The following TANK variants were observed in gnomAD, a reference collection of about 807,000 sequenced individuals.
TANK encodes TRAF family member-associated NF-kappa-B activator.
Under a neutral mutation model 43.6 loss-of-function variants are expected in TANK, and 15 were observed. The observed-to-expected ratio is 0.34, with a 90% confidence interval of 0.23 to 0.53. The LOEUF (loss-of-function observed/expected upper bound fraction) is 0.53, where lower values mean the gene tolerates loss of function less well. Ranked by LOEUF, TANK falls within the 20% of genes least tolerant of loss-of-function variation. The probability of loss-of-function intolerance (pLI) is 0.94; values close to 1 mark genes in which losing one functional copy is unlikely to be tolerated. For missense variants in TANK, 417 were observed against 498.6 expected (o/e 0.84, Z 1.56); for synonymous variants, 162 against 178.2 (o/e 0.91, Z 0.73).
chr2:161,182,168 G>T (rs1685458373), intron 2 of TANK, among the ~76,000 whole-genome samples: 1 of 151,784 alleles, frequency 6.6e-6, no homozygotes, highest in Non-Finnish European at 1.5e-5. Context: ...TTGTGATTAG[G>T]TTCATTAAGA....
chr2:161,150,277 CATA>C (rs1165523467), intron 1 of TANK, among the ~76,000 whole-genome samples: 1 of 152,108 alleles, frequency 6.6e-6, no homozygotes, highest in African/African-American at 2.4e-5. Flanking sequence ...TGTTCCATAA[CATA>C]ATATTTATAA....
At chr2:161,160,340 C>T (rs1684352575), upstream of TANK, 5 of 961,798 alleles carry the variant, frequency 5.2e-6, no homozygotes, top group Middle Eastern at 3.7e-4. Context: ...AGGGCCCTGG[C>T]CTTGTTGGGT....
chr2:161,203,441 C>T, intron 2 of TANK, 46 bp from the exon 3 acceptor site: 1 of 1,258,684 alleles, frequency 7.9e-7, no homozygotes, highest in South Asian at 1.3e-5. Flanking sequence ...AATATATGTT[C>T]ATGTCTATCA....
chr2:161,140,375 C>G (rs1192036056), intron 1 of TANK, among the ~76,000 whole-genome samples: 1 of 152,018 alleles, frequency 6.6e-6, no homozygotes, highest in Non-Finnish European at 1.5e-5. Context: ...AAAAATTTTT[C>G]AAATATATTG....
intron 1 of TANK, among the ~76,000 whole-genome samples, chr2:161,178,511 G>A (rs1311853308): frequency 6.6e-6 from 1 of 151,830 alleles, no homozygotes; most frequent in South Asian, 2.1e-4. Context: ...GGGAAGAGGA[G>A]GATTGGGACT....
At chr2:161,146,073 G>A (rs1683901981) in intron 1 of TANK, among the ~76,000 whole-genome samples, 1 of 152,088 alleles carries the variant, frequency 6.6e-6, no homozygotes, top group Admixed American at 6.5e-5. Context: ...TCAGCAAGAT[G>A]ATCTTCAAAC....
rs368096769 is a variant in TANK at position 161,161,767 on chromosome 2, C to T, written c.-50+1281C>T. 8 of 191,798 alleles carry T rather than the reference C, an allele frequency of 4.2e-5. No homozygotes were observed. The East Asian group carries it at 5.8e-4, about 14-fold the overall frequency. The allele number at this position is 191,798 out of a possible 1,614,324, so 11.9% of individuals were successfully genotyped here. On this transcript the variant is annotated intron_variant, in intron 1 of 7. Transcript: ENST00000392749. Reference sequence around the variant, plus strand: ...TAACTGTCACTTACTATGTCCTGTCCGTATATATTGCCCAGTATTCTTCAA... The same window carrying T: ...TAACTGTCACTTACTATGTCCTGTCTGTATATATTGCCCAGTATTCTTCAA...
At chr2:161,171,571 C>G (rs187457540) in intron 1 of TANK, among the ~76,000 whole-genome samples, 4 of 152,260 alleles carry the variant, frequency 2.6e-5, no homozygotes, top group African/African-American at 9.6e-5. Flanking sequence ...TTGCCTGTTC[C>G]TATTTATCAT....
intron 2 of TANK, among the ~76,000 whole-genome samples, chr2:161,193,532 C>T (rs1686012637): frequency 6.6e-6 from 1 of 152,170 alleles, no homozygotes; most frequent in Non-Finnish European, 1.5e-5. Context: ...CCAGCCTGGG[C>T]AGCATAGCAA....
intron 2 of TANK, among the ~76,000 whole-genome samples, chr2:161,182,664 T>C (rs1177539152): frequency 3.3e-5 from 5 of 152,098 alleles, no homozygotes; most frequent in South Asian, 2.1e-4. Flanking sequence ...TCCCCAGAAG[T>C]TCCCTGAACC....
intron 7 of TANK, among the ~76,000 whole-genome samples, chr2:161,234,164 G>T (rs1445507848): frequency 1.3e-5 from 2 of 152,158 alleles, no homozygotes; most frequent in African/African-American, 2.4e-5. Context: ...AGAAGACAGT[G>T]ATGTCGTGAA....
At chr2:161,187,328 G>C (rs1409414775) in intron 2 of TANK, among the ~76,000 whole-genome samples, 1 of 152,150 alleles carries the variant, frequency 6.6e-6, no homozygotes, top group Non-Finnish European at 1.5e-5. Flanking sequence ...CTACTCAGGA[G>C]ACAGGCAGGT....
chr2:161,217,611 G>GTGTA (rs1414277693), intron 4 of TANK, among the ~76,000 whole-genome samples: 5 of 151,640 alleles, frequency 3.3e-5, no homozygotes. Flanking sequence ...GTGTGTGTGT[G>GTGTA]TGTGTGTGTG....
intron 4 of TANK, among the ~76,000 whole-genome samples, chr2:161,221,910 C>G (rs971114042): frequency 6.6e-6 from 1 of 152,050 alleles, no homozygotes; most frequent in Non-Finnish European, 1.5e-5. Context: ...AGTTTAGATA[C>G]GTCATAGGAA....
chr2:161,142,822 T>C, intron 1 of TANK, among the ~76,000 whole-genome samples: 1 of 152,184 alleles, frequency 6.6e-6, no homozygotes, highest in Middle Eastern at 3.2e-3. Flanking sequence ...GGGGTTTCCA[T>C]ATGAAATATA....
chr2:161,194,860 C>G (rs1574017370), intron 2 of TANK, among the ~76,000 whole-genome samples: 1 of 147,016 alleles, frequency 6.8e-6, no homozygotes, highest in South Asian at 2.1e-4. Context: ...TGTTTTTTTT[C>G]CCCCAACAAC....
At chr2:161,157,592 C>T (rs1394199770), upstream of TANK, among the ~76,000 whole-genome samples, 2 of 152,198 alleles carry the variant, frequency 1.3e-5, no homozygotes, top group Non-Finnish European at 2.9e-5. Context: ...AACTGACATT[C>T]CAAGTCATAG....
chr2:161,159,819 A>G (rs186563831), upstream of TANK, among the ~76,000 whole-genome samples: 2 of 152,344 alleles, frequency 1.3e-5, no homozygotes, highest in Admixed American at 1.3e-4. Flanking sequence ...AAATTTTCTA[A>G]TAAAGTTCCA....
chr2:161,202,665 T>G (rs1686473397), intron 2 of TANK, among the ~76,000 whole-genome samples: 1 of 152,150 alleles, frequency 6.6e-6, no homozygotes, highest in Admixed American at 6.6e-5. Flanking sequence ...AATTTGCAAC[T>G]TAGTCATTAT....
Sources: allele counts gnomAD v4.1 joint callset (sites outside exome capture counted in the v4.1 genomes callset), GRCh38; gene constraint gnomAD v4.1.1; transcripts MANE v1.5; gene names NCBI Gene and HGNC (gene_info 2026-07-23, HGNC 2026-07-21).